Variants in ATG3 observed in about 807,000 individuals in gnomAD.
The protein encoded by ATG3 is ubiquitin-like-conjugating enzyme ATG3.
A neutral mutation model predicts 50.7 loss-of-function variants in ATG3; 25 were observed. The observed-to-expected ratio is 0.49, with a 90% CI of 0.36 to 0.69. ATG3 has a LOEUF of 0.69. Among genes scored for constraint, ATG3 ranks in the 30% least tolerant of loss-of-function variants. The probability of loss-of-function intolerance (pLI) is 0.00; values close to 1 mark genes in which losing one functional copy is unlikely to be tolerated. For synonymous variants in ATG3, 119 were observed against 125.5 expected (o/e 0.95, Z 0.34); for missense variants, 281 against 376.0 (o/e 0.75, Z 2.09).
At chr3:112,538,254 C>T in intron 7 of ATG3, 74 bp from the exon 8 acceptor site, 1 of 1,172,582 alleles carries the variant, frequency 8.5e-7, no homozygotes, top group South Asian at 1.5e-5. Flanking sequence ...TTAAGTATTA[C>T]TTCATAGTAT....
chr3:112,538,018 C>A (rs191401776), intron 8 of ATG3, 128 bp from the exon 9 acceptor site: 2 of 1,209,086 alleles, frequency 1.7e-6, no homozygotes, highest in East Asian at 2.5e-5. Flanking sequence ...CTCAAAGCTA[C>A]GTTTTATATG....
At chr3:112,534,146 G>T (rs2107365351) in intron 11 of ATG3, 123 bp downstream of exon 11, 1 of 1,450,202 alleles carries the variant, frequency 6.9e-7, no homozygotes, top group Non-Finnish European at 9.1e-7. Flanking sequence ...CTTCTACTAG[G>T]ATTTTCAGAT....
chr3:112,534,619 G>C lies in ATG3; in HGVS notation c.795-282C>G, dbSNP rs113737096. Reference sequence around the variant, plus strand: ...CCAGGGGAGGGCATAATCTTAAAAAGCTATGGTAGTCACAGCAGACACCAT... The same window carrying C: ...CCAGGGGAGGGCATAATCTTAAAAACCTATGGTAGTCACAGCAGACACCAT... On this transcript the variant is annotated intron_variant, in intron 10 of 11. Coordinates refer to ENST00000283290, the MANE Select transcript of ATG3 (RefSeq NM_022488.5). 4.7e-3 allele frequency: 861 copies of C among 183,696 alleles called. 9 individuals carry two copies. Among genetic ancestry groups the C allele is most frequent in the African/African-American group, 0.019 (795 of 42,672 alleles). 11.4% of individuals were successfully genotyped at this position (183,696 alleles called of 1,614,324 possible). A position where few individuals can be genotyped will look rare whatever the true frequency, so the allele number is the denominator to read the frequency against.
intron 2 of ATG3, 151 bp from the exon 3 acceptor site, chr3:112,553,480 T>C: frequency 1.7e-6 from 1 of 576,720 alleles, no homozygotes. Context: ...AAAGCTGCTC[T>C]ACCAGCCTCA....
In ATG3 at chr3:112,561,660, G is replaced by C. The variant is rs1046438324; in HGVS notation, c.-132C>G. 4.6e-4 allele frequency: 410 copies of C among 889,982 alleles called. 1 individual carries two copies. The highest frequency in any genetic ancestry group is 1.3e-4 in the Admixed American group (5 of 38,212). 55.1% of individuals were successfully genotyped at this position (889,982 alleles called of 1,614,324 possible). On this transcript the variant is annotated 5_prime_UTR_variant, in exon 1 of 12. Coordinates refer to ENST00000283290, the MANE Select transcript of ATG3 (RefSeq NM_022488.5). ...CCCGGCTGGCAGCACCCGAGGGGACGGGACGCGACGCGACGGGACGGGCGG... is the reference window on the plus strand; with the variant it reads ...CCCGGCTGGCAGCACCCGAGGGGACCGGACGCGACGCGACGGGACGGGCGG...
Position 112,532,626 on chromosome 3 carries a change from C to T in ATG3, c.*73G>A. ...AACTGTATATATTGATGAATATGGT[C>T]AATGGTCACATCTATGGGTTAATTC... On this transcript the variant is annotated 3_prime_UTR_variant, in exon 12 of 12. Transcript: ENST00000283290. 2 of 1,141,078 alleles carry T rather than the reference C, an allele frequency of 1.8e-6. No homozygotes were observed. The highest frequency in any genetic ancestry group is 2.4e-6 in the Non-Finnish European group (2 of 832,048). 70.7% of individuals were successfully genotyped at this position (1,141,078 alleles called of 1,614,324 possible).
intron 1 of ATG3, 93 bp downstream of exon 1, chr3:112,561,364 C>T: frequency 3.0e-6 from 4 of 1,350,380 alleles, no homozygotes; most frequent in East Asian, 2.4e-5. Context: ...CTACACCTTG[C>T]CCCGCCGGAG....
rs1416774438 is a variant in ATG3 at position 112,532,679 on chromosome 3, T to A, written c.*20A>T. The stretch of plus-strand genomic sequence containing the variant: ...TAAAAATCAGAACCAATAATTAGGA[T>A]AGATTTTATGCTCTCTTCATTACAT... On this transcript the variant is annotated 3_prime_UTR_variant, in exon 12 of 12. Coordinates refer to ENST00000283290, the MANE Select transcript of ATG3 (RefSeq NM_022488.5). The A allele has an allele frequency of 6.6e-7, 1 of 1,518,260 alleles. No homozygotes were observed. Among genetic ancestry groups the A allele is most frequent in the Admixed American group, 2.0e-5 (1 of 48,826 alleles). 94.0% of individuals were successfully genotyped at this position (1,518,260 alleles called of 1,614,324 possible).
At chr3:112,536,159 T>A in intron 10 of ATG3, 1 of 266,436 alleles carries the variant, frequency 3.8e-6, no homozygotes, top group Non-Finnish European at 7.2e-6. Flanking sequence ...TATTTCTGAG[T>A]CAAAAACAGA....
At chr3:112,544,658 G>GGAAAAAAAAAAA (rs1553738119) in intron 5 of ATG3, among the ~76,000 whole-genome samples, 4 of 64,100 alleles carry the variant, frequency 6.2e-5, no homozygotes, top group African/African-American at 1.7e-4. Context: ...CCGTCTCAGG[G>GGAAAAAAAAAAA]AAAAAAAAAA....
At chr3:112,554,710 A>G (rs1009803018) in intron 2 of ATG3, among the ~76,000 whole-genome samples, 30 of 152,260 alleles carry the variant, frequency 2.0e-4, no homozygotes, top group Admixed American at 1.9e-3. Context: ...TACACAGCAA[A>G]AAATTACAAA....
intron 4 of ATG3, 95 bp from the exon 5 acceptor site, chr3:112,548,735 T>C: frequency 1.0e-6 from 1 of 984,582 alleles, no homozygotes; most frequent in Non-Finnish European, 1.6e-6. Context: ...AAATAGGGTG[T>C]TTATACCACC....
chr3:112,547,650 A>C (rs986052787), intron 5 of ATG3, among the ~76,000 whole-genome samples: 4 of 152,246 alleles, frequency 2.6e-5, no homozygotes, highest in Non-Finnish European at 5.9e-5. Flanking sequence ...AGGGTTTCAA[A>C]TAACTCATAG....
intron 2 of ATG3, among the ~76,000 whole-genome samples, chr3:112,557,293 T>C (rs1033727444): frequency 6.6e-6 from 1 of 152,198 alleles, no homozygotes; most frequent in Non-Finnish European, 1.5e-5. Context: ...TCCTAAAGTG[T>C]TGGGATTACA....
At chr3:112,538,082 G>T (rs1390365608) in intron 8 of ATG3, 64 bp downstream of exon 8, 1 of 1,318,176 alleles carries the variant, frequency 7.6e-7, no homozygotes, top group Admixed American at 2.3e-5. Context: ...TATATTATTA[G>T]TAAGAACATG....
rs1233543178 is a variant in ATG3, at chr3:112,541,802, C to A, written c.475+1G>T. ...CTGAAGCAAATCTAGAACAGGAATA[C>A]CTTCCATATCTGCAGCTTCTCCTTC... On this transcript the variant is annotated splice_donor_variant, in intron 7 of 11. Coordinates refer to ENST00000283290, the MANE Select transcript of ATG3 (RefSeq NM_022488.5). LOFTEE classifies it high-confidence loss of function. The A allele has an allele frequency of 6.2e-7, 1 of 1,607,000 alleles. No individual in the cohort carries two copies. Among genetic ancestry groups the A allele is most frequent in the Non-Finnish European group, 8.5e-7 (1 of 1,175,876 alleles).
Position 112,533,931 on chromosome 3 carries a change from T to C in ATG3, c.863+338A>G. 2.8e-6 allele frequency: 3 copies of C among 1,071,286 alleles called. No homozygotes were observed. In the South Asian group the frequency reaches 1.3e-4, roughly 46 times the overall value. 66.4% of individuals were successfully genotyped at this position (1,071,286 alleles called of 1,614,324 possible). On this transcript the variant is annotated intron_variant, in intron 11 of 11. Coordinates refer to ENST00000283290, the MANE Select transcript of ATG3 (RefSeq NM_022488.5). Reference sequence around the variant, plus strand: ...GACACCTCAGATTGACACAACCTAATTTTACTTTTACCTGATGGGAAAGTA... The same window carrying C: ...GACACCTCAGATTGACACAACCTAACTTTACTTTTACCTGATGGGAAAGTA...
intron 7 of ATG3, among the ~76,000 whole-genome samples, chr3:112,540,782 G>A (rs1221757774): frequency 6.6e-6 from 1 of 151,990 alleles, no homozygotes; most frequent in Admixed American, 6.6e-5. Flanking sequence ...AGGAAGATAT[G>A]GTTAACAGAA....
intron 7 of ATG3, among the ~76,000 whole-genome samples, chr3:112,540,069 T>C (rs751777974): frequency 3.3e-5 from 5 of 152,196 alleles, no homozygotes; most frequent in Non-Finnish European, 5.9e-5. Context: ...TGAGAATATC[T>C]AGGCTACCTC....
Sources: allele counts gnomAD v4.1 joint callset (sites outside exome capture counted in the v4.1 genomes callset), GRCh38; gene constraint gnomAD v4.1.1; transcripts MANE v1.5; gene names NCBI Gene and HGNC (gene_info 2026-07-23, HGNC 2026-07-21).